Variants in PIF1 observed in about 807,000 individuals in gnomAD.
PIF1 encodes ATP-dependent DNA helicase PIF1.
PIF1 carries 67 observed loss-of-function variants against 62.3 expected under a neutral mutation model. The observed-to-expected ratio is 1.08, with a 90% CI of 0.88 to 1.32. The LOEUF (loss-of-function observed/expected upper bound fraction) is 1.32. Ranked by LOEUF, PIF1 falls within the 40% of genes most tolerant of loss-of-function variation. The probability of loss-of-function intolerance (pLI) is 0.00; values close to 1 mark genes in which losing one functional copy is unlikely to be tolerated. For synonymous variants in PIF1, 364 were observed against 379.5 expected, an observed-to-expected ratio of 0.96 and a Z score of 0.47; for missense variants, 886 against 866.1, an observed-to-expected ratio of 1.02 and a Z score of -0.29.
In PIF1 at chr15:64,819,453, C is replaced by A. The variant is rs62015738; in HGVS notation, c.1334-230G>T. Among the ~76,000 whole-genome samples, 1,484 of 152,190 alleles carry A rather than the reference C, an allele frequency of 9.8e-3. 9 individuals are homozygous for A. Among genetic ancestry groups the A allele is most frequent in the South Asian group, 0.021 (102 of 4,824 alleles). On this transcript the variant is annotated intron_variant, in intron 8 of 12. Coordinates refer to ENST00000559239, the MANE Select transcript of PIF1 (RefSeq NM_001286496.2). ...TCCCGAATAGCTGGGATTACAGGTG[C>A]CCACTACCACATCTGGCTAATTTTT...
At chr15:64,826,624 T>TTA (rs764170884), upstream of PIF1, among the ~76,000 whole-genome samples, 236 of 35,986 alleles carry the variant, frequency 6.6e-3, 2 homozygotes, top group Middle Eastern at 0.019. Context: ...CCCAGCTAAT[T>TTA]TATATATATA....
intron 11 of PIF1, 129 bp downstream of exon 11, chr15:64,817,817 G>C: frequency 1.8e-6 from 2 of 1,089,932 alleles, no homozygotes; most frequent in Non-Finnish European, 2.6e-6. Context: ...AGCCAAGATC[G>C]CGCCACTGCA....
At position 64,824,033 on chromosome 15, in the gene PIF1, C is replaced by A; in HGVS notation, c.303G>T (p.Val101=). The change falls in exon 2 of 13, where the codon GTG becomes GTT. Residue 101 remains valine (V), a synonymous_variant. Coordinates refer to ENST00000559239, the MANE Select transcript of PIF1 (RefSeq NM_001286496.2). ...GGGGGCAGTCCGAGAGCAGCAGCTG[C>A]ACTGCGCCGGCCCCGGGGGTGTCGT... ...PAHDTPGAGA[V]QLLLSDCPPD... 1 of 1,275,330 alleles carries A rather than the reference C, an allele frequency of 7.8e-7. No individual in the cohort carries two copies. The highest frequency in any genetic ancestry group is 2.7e-5 in the South Asian group (1 of 37,252). The allele number at this position is 1,275,330 out of a possible 1,614,324, so 79.0% of individuals were successfully genotyped here.
In PIF1 at chr15:64,816,761, A is replaced by T; in HGVS notation, c.1679T>A (p.Met560Lys). ...WAMSIHKSQGMTLDCVEISLG... is the reference protein window; with the variant it reads ...WAMSIHKSQGKTLDCVEISLG... ...AGAAATCTCCACACAATCCAGGGTC[A>T]TGCCCTGGGGGATGCAGGGACAGAG... is the stretch of plus-strand genomic sequence containing the variant. Residue 560 changes from methionine (M) to lysine (K), a missense_variant, in exon 12 of 13, where the codon ATG (methionine) becomes AAG (lysine). Physicochemically the swap from Met to Lys is moderately conservative, Grantham distance 95 (BLOSUM62 -1). Transcript: ENST00000559239. 1 of 1,590,520 alleles carries T rather than the reference A, an allele frequency of 6.3e-7. No individual in the cohort carries two copies.
intron 8 of PIF1, 130 bp from the exon 9 acceptor site, chr15:64,819,353 C>G: frequency 1.5e-6 from 1 of 665,530 alleles, no homozygotes; most frequent in Non-Finnish European, 2.5e-6. Context: ...CTCTGTTGCC[C>G]AGACTGGAGT....
At position 64,816,181 on chromosome 15, in the gene PIF1, A is replaced by G; in HGVS notation, c.*117T>C. On this transcript the variant is annotated 3_prime_UTR_variant, in exon 13 of 13. Coordinates refer to ENST00000559239, the MANE Select transcript of PIF1 (RefSeq NM_001286496.2). ...CCAGGAGGCTGAGAGTCCCTAAAAA[A>G]TACAGAAGGGGACACTGCCTGCCTA... 1.3e-6 allele frequency: 2 copies of G among 1,543,616 alleles called. No individual in the cohort carries two copies. The highest frequency in any genetic ancestry group is 1.7e-6 in the Non-Finnish European group (2 of 1,146,984).
chr15:64,818,808 A>G, intron 9 of PIF1: 1 of 331,654 alleles, frequency 3.0e-6, no homozygotes, highest in Non-Finnish European at 5.5e-6. Context: ...TATAAAGTAT[A>G]CTACAGAAGA....
Position 64,818,317 on chromosome 15 carries a change from A to G in PIF1, c.1468T>C (p.Ser490Pro). ...CGGGCACCATTCACCAGGCCCCGAG[A>G]CACCGATAAGTTTTTCACCAGCATC... ...QVMLVKNLSV[S>P]RGLVNGARGV... The change falls in exon 10 of 13, where the codon TCT (serine) becomes CCT (proline). Residue 490 changes from serine to proline, a missense_variant. Ser to Pro is a moderately conservative substitution (Grantham distance 74). Transcript: ENST00000559239. 6.2e-7 allele frequency: 1 copy of G among 1,613,942 alleles called. No individual in the cohort carries two copies. The highest frequency in any genetic ancestry group is 8.5e-7 in the Non-Finnish European group (1 of 1,179,976).
At position 64,822,494 on chromosome 15, in the gene PIF1, G is replaced by T; in HGVS notation, c.675C>A (p.Phe225Leu). ...CCCCACTACCTGCACTCCCAGTGAA[G>T]AAGATGCTCTGGCCTTTCAGGACGG... ...LRAVLKGQSIFFTGSAGTGKS... is the reference protein window; with the variant it reads ...LRAVLKGQSILFTGSAGTGKS... The change falls in exon 3 of 13, where the codon TTC (phenylalanine) becomes TTA (leucine). Residue 225 changes from phenylalanine (F) to leucine (L), a missense_variant. Coordinates refer to ENST00000559239, the MANE Select transcript of PIF1 (RefSeq NM_001286496.2). 6.2e-7 allele frequency: 1 copy of T among 1,613,588 alleles called. No homozygotes were observed. The highest frequency in any genetic ancestry group is 8.5e-7 in the Non-Finnish European group (1 of 1,179,956).
chr15:64,821,885 G>A (rs1249740508), intron 4 of PIF1: 3 of 283,824 alleles, frequency 1.1e-5, no homozygotes, highest in Non-Finnish European at 2.0e-5. Flanking sequence ...GACTACAGGC[G>A]CTTGCCACCA....
Position 64,819,913 on chromosome 15 carries a change from T to G in PIF1, c.1267A>C (p.Thr423Pro), listed in dbSNP as rs920114744. The change falls in exon 8 of 13, where the codon ACG (threonine) becomes CCG (proline). Residue 423 changes from threonine to proline, a missense_variant. Transcript: ENST00000559239. ...TCATCCTGGTGGGTGCAGAGCCTCGTGGCCACAATCCCATCTCGCCCCACC... is the reference window on the plus strand; with the variant it reads ...TCATCCTGGTGGGTGCAGAGCCTCGGGGCCACAATCCCATCTCGCCCCACC... ...HKVGRDGIVA[T>P]RLCTHQDDVA... The G allele has an allele frequency of 6.2e-7, 1 of 1,614,180 alleles. No individual in the cohort carries two copies. Among genetic ancestry groups the G allele is most frequent in the Non-Finnish European group, 8.5e-7 (1 of 1,180,030 alleles).
intron 11 of PIF1, among the ~76,000 whole-genome samples, chr15:64,817,362 T>C (rs1329418159): frequency 2.0e-5 from 3 of 151,698 alleles, no homozygotes; most frequent in South Asian, 2.1e-4. Flanking sequence ...CTGGCCAACA[T>C]GGCAAAACCC....
chr15:64,817,081 G>C (rs546432319), intron 11 of PIF1, among the ~76,000 whole-genome samples: 8 of 152,264 alleles, frequency 5.3e-5, no homozygotes, highest in African/African-American at 1.9e-4. Context: ...TTCTTTCTGT[G>C]CAAAATAGGA....
Position 64,816,180 on chromosome 15 carries a change from AATAC to A in PIF1, c.*114_*117del. 6.5e-7 allele frequency: 1 copy of A among 1,538,940 alleles called. No homozygotes were observed. Among genetic ancestry groups the A allele is most frequent in the Non-Finnish European group, 8.7e-7 (1 of 1,144,628 alleles). On this transcript the variant is annotated 3_prime_UTR_variant, in exon 13 of 13. Transcript: ENST00000559239. The stretch of plus-strand genomic sequence containing the variant: ...GCCAGGAGGCTGAGAGTCCCTAAAA[AATAC>A]AGAAGGGGACACTGCCTGCCTACTC...
In PIF1 at chr15:64,816,685, G is replaced by T. The variant is rs372765225; in HGVS notation, c.1755C>A (p.Ala585=). Residue 585 remains alanine (A), a synonymous_variant, in exon 12 of 13, where the codon GCC becomes GCA. Coordinates refer to ENST00000559239, the MANE Select transcript of PIF1 (RefSeq NM_001286496.2). ...GCACACGTAGGCCCTGCAGGCTGCG[G>T]GCCCGAGAAAGGGCCACATAGGCCT... The part of the protein sequence containing the change: ...SGQAYVALSR[A]RSLQGLRVLD... The T allele has an allele frequency of 3.1e-5, 50 of 1,613,710 alleles. No individual in the cohort carries two copies. The Middle Eastern group carries it at 6.6e-4, about 21-fold the overall frequency.
chr15:64,816,347 T>C lies in PIF1; in HGVS notation c.1877A>G (p.Asp626Gly). Residue 626 changes from aspartate to glycine, a missense_variant, in exon 13 of 13, where the codon GAT becomes GGT. Coordinates refer to ENST00000559239, the MANE Select transcript of PIF1 (RefSeq NM_001286496.2). ...RGRSLSLESP[D>G]DDEAASDQEN... ...CTGGTCTGAGGCTGCCTCATCATCA[T>C]CTGGGGACTCCTGGATCAGAGCCAG... 1 of 1,614,090 alleles carries C rather than the reference T, an allele frequency of 6.2e-7. No homozygotes were observed. The highest frequency in any genetic ancestry group is 8.5e-7 in the Non-Finnish European group (1 of 1,180,022).
intron 1 of PIF1, among the ~76,000 whole-genome samples, 197 bp downstream of exon 1, chr15:64,825,372 G>A (rs1249882806): frequency 2.0e-5 from 3 of 152,126 alleles, no homozygotes; most frequent in Admixed American, 6.6e-5. Context: ...AAGCCACAGC[G>A]GCTAGTAGTC....
At position 64,824,246 on chromosome 15, in the gene PIF1, C is replaced by G. The variant is rs1342715168; in HGVS notation, c.90G>C (p.Gly30=). ...RVAVEELSPG[G]QPRRRQALRT... ...GCAGGGCCTGGCGCCTTCGCGGCTGCCCGCCCGGGCTCAGCTCCTCCACAG... is the reference window on the plus strand; with the variant it reads ...GCAGGGCCTGGCGCCTTCGCGGCTGGCCGCCCGGGCTCAGCTCCTCCACAG... Residue 30 remains glycine (G), a synonymous_variant, in exon 2 of 13, where the codon GGG becomes GGC. Coordinates refer to ENST00000559239, the MANE Select transcript of PIF1 (RefSeq NM_001286496.2). 1.1e-5 allele frequency: 14 copies of G among 1,312,016 alleles called. No homozygotes were observed. In the Admixed American group the frequency reaches 4.4e-4, roughly 41 times the overall value. 81.3% of individuals were successfully genotyped at this position (1,312,016 alleles called of 1,614,324 possible).
Position 64,821,374 on chromosome 15 carries a change from C to T in PIF1, c.964G>A (p.Val322Met), listed in dbSNP as rs756170190. Reference sequence around the variant, plus strand: ...CCCTCTGAACATACTGACCTGGCCACGGCCTCCAGTTTGTCAAACAGGTCT... The same window carrying T: ...CCCTCTGAACATACTGACCTGGCCATGGCCTCCAGTTTGTCAAACAGGTCT... ...EADLFDKLEA[V>M]ARAVRQQNKP... Residue 322 changes from valine to methionine, a missense_variant, in exon 5 of 13, where the codon GTG (valine) becomes ATG (methionine). By Grantham distance (21) the Val-to-Met change is conservative. Transcript: ENST00000559239. The T allele has an allele frequency of 1.2e-5, 20 of 1,613,816 alleles. No homozygotes were observed. The highest frequency in any genetic ancestry group is 5.3e-5 in the African/African-American group (4 of 74,932).
Sources: allele counts gnomAD v4.1 joint callset (sites outside exome capture counted in the v4.1 genomes callset), GRCh38; gene constraint gnomAD v4.1.1; transcripts MANE v1.5; gene names NCBI Gene and HGNC (gene_info 2026-07-23, HGNC 2026-07-21).